The following PSMG2 variants were observed in gnomAD, a reference collection of about 807,000 sequenced individuals.
PSMG2 encodes the protein proteasome assembly chaperone 2.
Under a neutral mutation model 31.5 loss-of-function variants are expected in PSMG2, and 21 were observed. That is an observed-to-expected ratio of 0.67 (90% CI 0.47 to 0.96). The LOEUF (loss-of-function observed/expected upper bound fraction) is 0.96. Ranked by LOEUF, PSMG2 falls within the 40% of genes least tolerant of loss-of-function variation. The pLI, the probability that PSMG2 is intolerant of heterozygous loss-of-function variation, is 0.00. For synonymous variants in PSMG2, 120 were observed against 110.4 expected (o/e 1.09, Z -0.54); for missense variants, 318 against 321.2 (o/e 0.99, Z 0.08).
intron 1 of PSMG2, among the ~76,000 whole-genome samples, chr18:12,691,655 C>G (rs2039767642): frequency 6.6e-6 from 1 of 151,980 alleles, no homozygotes; most frequent in South Asian, 2.1e-4. Context: ...ACCCCTAGTA[C>G]AATCCCATCT....
At chr18:12,690,655 C>T (rs2039721800) in intron 1 of PSMG2, among the ~76,000 whole-genome samples, 1 of 152,046 alleles carries the variant, frequency 6.6e-6, no homozygotes, top group Non-Finnish European at 1.5e-5. Context: ...CGGGGTTTCA[C>T]CGTGTTAGCC....
At chr18:12,709,119 C>T (rs1364619078) in intron 2 of PSMG2, among the ~76,000 whole-genome samples, 1 of 151,984 alleles carries the variant, frequency 6.6e-6, no homozygotes, top group Non-Finnish European at 1.5e-5. Flanking sequence ...GATCTCGGCC[C>T]ATTGCAACCT....
At chr18:12,701,765 ACTTAT>A (rs2040160702), upstream of PSMG2, among the ~76,000 whole-genome samples, 6 of 152,240 alleles carry the variant, frequency 3.9e-5, no homozygotes, top group South Asian at 1.2e-3. Context: ...CTCTTCCATG[ACTTAT>A]TTGAGAATTG....
At chr18:12,691,629 CCCTATTTCTACACTTACCCCTAGT>C (rs2039766454) in intron 1 of PSMG2, 1 of 570,134 alleles carries the variant, frequency 1.8e-6, no homozygotes. Flanking sequence ...CTCCTGACTT[CCCTATTTCTACACTTACCCCTAGT>C]ACAATCCCAT....
chr18:12,716,310 T>G (rs2040375361), intron 3 of PSMG2, among the ~76,000 whole-genome samples: 1 of 152,258 alleles, frequency 6.6e-6, no homozygotes, highest in Admixed American at 6.5e-5. Context: ...CATGGCTTTT[T>G]GTTCTCTTTC....
rs71174122 is a variant in PSMG2, at chr18:12,669,032, CTTTTTTT to C, written c.-37+10279_-37+10285del. Among the ~76,000 whole-genome samples the C allele has an allele frequency of 4.1e-4, 17 of 41,958 alleles. 2 individuals are homozygous for C. The highest frequency in any genetic ancestry group is 1.1e-3 in the African/African-American group (12 of 10,544). 27.5% of individuals were successfully genotyped at this position (41,958 alleles called of 152,430 possible). ...GGCTTGAGCTACCGCACCCCCCGCA[CTTTTTTT>C]TTTTTTTTTTTTTTTTTTTGAGACA... On this transcript the variant is annotated intron_variant, in intron 1 of 6. Coordinates refer to the PSMG2 transcript ENST00000585331.
intron 1 of PSMG2, among the ~76,000 whole-genome samples, chr18:12,694,509 A>G (rs1483252944): frequency 3.3e-5 from 5 of 152,222 alleles, no homozygotes; most frequent in Non-Finnish European, 1.5e-5. Context: ...GTAATTCATC[A>G]GAGACCTGAC....
chr18:12,710,918 G>A (rs2040323628), intron 2 of PSMG2, among the ~76,000 whole-genome samples: 1 of 152,058 alleles, frequency 6.6e-6, no homozygotes, highest in African/African-American at 2.4e-5. Flanking sequence ...TGGGTAACAT[G>A]ATGAAACTCT....
At chr18:12,702,567 C>A (rs2040197718), upstream of PSMG2, 1 of 1,588,330 alleles carries the variant, frequency 6.3e-7, no homozygotes, top group African/African-American at 1.3e-5. Context: ...CCGGCGTCTC[C>A]CCGCCGCTTC....
intron 3 of PSMG2, among the ~76,000 whole-genome samples, chr18:12,716,518 CGAGTAGCTGGGACTA>C (rs895073300): frequency 6.6e-6 from 1 of 151,670 alleles, no homozygotes; most frequent in Admixed American, 6.6e-5. Flanking sequence ...CTCAGCCTCC[CGAGTAGCTGGGACTA>C]CAGGCGCCCA....
chr18:12,701,113 T>C, upstream of PSMG2: 1 of 1,607,656 alleles, frequency 6.2e-7, no homozygotes, highest in Non-Finnish European at 8.5e-7. Context: ...TGGACATCCA[T>C]CTATGTAGAA....
chr18:12,687,182 G>A (rs1431006739), intron 1 of PSMG2, among the ~76,000 whole-genome samples: 1 of 152,070 alleles, frequency 6.6e-6, no homozygotes, highest in African/African-American at 2.4e-5. Context: ...TCAAGATTTG[G>A]AGATGACCTA....
At chr18:12,678,488 A>C (rs765985140) in intron 1 of PSMG2, 1 of 1,279,820 alleles carries the variant, frequency 7.8e-7, no homozygotes, top group Admixed American at 2.2e-5. Context: ...AAAAATTAAA[A>C]AGGCAGCATC....
chr18:12,725,507 T>A lies in PSMG2; in HGVS notation c.771T>A (p.Ser257Arg). ...IPSSWRLLFGSGLPPALF is the reference protein window; with the variant it reads ...IPSSWRLLFGRGLPPALF The stretch of plus-strand genomic sequence containing the variant: ...GTTCTTGGAGATTACTCTTTGGCAG[T>A]GGTCTTCCCCCTGCACTTTTCTGAT... The change falls in exon 7 of 7, where the codon AGT (serine) becomes AGA (arginine). Residue 257 changes from serine (S) to arginine (R), a missense_variant. By Grantham distance (110) the Ser-to-Arg change is moderately radical. Transcript: ENST00000317615. 1 of 1,602,004 alleles carries A rather than the reference T, an allele frequency of 6.2e-7. No individual in the cohort carries two copies. The highest frequency in any genetic ancestry group is 8.6e-7 in the Non-Finnish European group (1 of 1,169,272).
At chr18:12,684,305 G>A (rs1479795766) in intron 1 of PSMG2, 1 of 151,042 alleles carries the variant, frequency 6.6e-6, no homozygotes, top group East Asian at 2.0e-4. Context: ...TTAGAGAGAG[G>A]GATTTTGCCA....
intron 1 of PSMG2, chr18:12,673,596 C>A: frequency 9.1e-7 from 1 of 1,096,802 alleles, no homozygotes; most frequent in Non-Finnish European, 1.3e-6. Flanking sequence ...ATAATTTTTT[C>A]AGGCTAGGCG....
At chr18:12,702,391 G>A (rs983063638), upstream of PSMG2, 806 of 934,110 alleles carry the variant, frequency 8.6e-4, 5 homozygotes, top group Non-Finnish European at 1.2e-3. Context: ...CTACAGTCCC[G>A]GCAAGCAGAT....
intron 1 of PSMG2, 59 bp downstream of exon 1, chr18:12,703,223 C>G: frequency 6.5e-7 from 1 of 1,529,184 alleles, no homozygotes; most frequent in South Asian, 1.2e-5. Flanking sequence ...GTGTCGCCAC[C>G]CCGACGCGGG....
upstream of PSMG2, chr18:12,700,987 C>A: frequency 6.2e-7 from 1 of 1,612,678 alleles, no homozygotes; most frequent in Non-Finnish European, 8.5e-7. Flanking sequence ...TTCATCACAT[C>A]GTCAATGATT....
Sources: gnomAD v4.1 joint callset for allele counts (sites outside exome capture counted in the v4.1 genomes callset) on GRCh38, gnomAD v4.1.1 for gene constraint, MANE v1.5 for transcripts, NCBI Gene and HGNC (gene_info 2026-07-23, HGNC 2026-07-21) for gene names.